The following ARHGAP44 variants were observed in gnomAD, a reference collection of about 807,000 sequenced individuals.
ARHGAP44 encodes rho GTPase-activating protein 44.
A neutral mutation model predicts 106.8 loss-of-function variants in ARHGAP44; 43 were observed. The observed-to-expected ratio is 0.40, with a 90% CI of 0.32 to 0.52. ARHGAP44 has a LOEUF of 0.52. ARHGAP44 is among the 20% of genes least tolerant of loss of function. The probability of loss-of-function intolerance (pLI) is 0.48; values close to 1 mark genes in which losing one functional copy is unlikely to be tolerated. For missense variants in ARHGAP44, 866 were observed against 1,050.5 expected, an observed-to-expected ratio of 0.82 and a Z score of 2.43; for synonymous variants, 439 against 410.3, an observed-to-expected ratio of 1.07 and a Z score of -0.85.
chr17:12,810,470 G>A (rs540278163), intron 1 of ARHGAP44, among the ~76,000 whole-genome samples: 5 of 152,264 alleles, frequency 3.3e-5, no homozygotes, highest in South Asian at 2.1e-4. Context: ...ATAATGGGGC[G>A]ATAGAAAGCT....
At chr17:12,955,608 G>A (rs1005242448) in intron 13 of ARHGAP44, among the ~76,000 whole-genome samples, 3 of 152,168 alleles carry the variant, frequency 2.0e-5, no homozygotes, top group Admixed American at 6.5e-5. Flanking sequence ...GAGTCAGAAG[G>A]AAAGAAGGAG....
chr17:12,837,682 C>T (rs117467736), intron 1 of ARHGAP44, among the ~76,000 whole-genome samples: 4 of 151,486 alleles, frequency 2.6e-5, no homozygotes, highest in East Asian at 3.9e-4. Context: ...AAGGCTTTGA[C>T]GAGGGTTAAC....
At chr17:12,838,932 C>A (rs2150825622) in intron 1 of ARHGAP44, among the ~76,000 whole-genome samples, 1 of 152,198 alleles carries the variant, frequency 6.6e-6, no homozygotes, top group South Asian at 2.1e-4. Flanking sequence ...GTCTGGAACT[C>A]CTGACCCCAG....
At chr17:12,860,350 T>A (rs984576672) in intron 1 of ARHGAP44, among the ~76,000 whole-genome samples, 1 of 152,242 alleles carries the variant, frequency 6.6e-6, no homozygotes, top group Non-Finnish European at 1.5e-5. Context: ...CTCTTGTCTC[T>A]TGTCAGATAA....
rs2040101726 is a variant in ARHGAP44, at chr17:12,990,426, T to C, written c.*255T>C. The C allele has an allele frequency of 9.3e-6, 4 of 430,646 alleles. No individual in the cohort carries two copies. In the East Asian group the frequency reaches 1.6e-4, roughly 18 times the overall value. The allele number at this position is 430,646 out of a possible 1,614,324, so 26.7% of individuals were successfully genotyped here. On this transcript the variant is annotated 3_prime_UTR_variant, in exon 21 of 21. Coordinates refer to ENST00000379672, the MANE Select transcript of ARHGAP44 (RefSeq NM_014859.6). ...CTTTGCCTTTTGACTTTGTGCCTCT[T>C]TTGATCCACTTTCAGCCTCCATGCC...
intron 1 of ARHGAP44, among the ~76,000 whole-genome samples, chr17:12,894,259 T>C (rs1427720123): frequency 6.7e-6 from 1 of 150,240 alleles, no homozygotes; most frequent in African/African-American, 2.4e-5. Flanking sequence ...TGTGTGTGTG[T>C]GCACGTGCGT....
rs2040122095 is a variant in ARHGAP44 at position 12,991,003 on chromosome 17, C to CCTGT, written c.*835_*838dup. ...TTCACTAGTCTGTGGGGTCCTGGAG[C>CCTGT]CTGTCTCTTCTTTCTGGAGGTTCAA... On this transcript the variant is annotated 3_prime_UTR_variant, in exon 21 of 21. Coordinates refer to ENST00000379672, the MANE Select transcript of ARHGAP44 (RefSeq NM_014859.6). The CCTGT allele has an allele frequency of 6.5e-6, 1 of 152,758 alleles. No individual in the cohort carries two copies. Among genetic ancestry groups the CCTGT allele is most frequent in the East Asian group, 1.9e-4 (1 of 5,180 alleles). The allele number at this position is 152,758 out of a possible 1,614,324, so 9.5% of individuals were successfully genotyped here. A position where few individuals can be genotyped will look rare whatever the true frequency, so the allele number is the denominator to read the frequency against.
intron 1 of ARHGAP44, among the ~76,000 whole-genome samples, chr17:12,855,156 G>A (rs1476481028): frequency 6.6e-6 from 1 of 152,026 alleles, no homozygotes; most frequent in East Asian, 1.9e-4. Context: ...TTCACCTCGA[G>A]CTTTATAAAC....
intron 7 of ARHGAP44, 130 bp downstream of exon 7, chr17:12,929,176 G>A (rs540233841): frequency 9.9e-6 from 8 of 806,096 alleles, no homozygotes; most frequent in African/African-American, 3.5e-5. Flanking sequence ...CCCCAAGCCC[G>A]CCGGCTAGCA....
At chr17:12,923,919 C>G (rs1343766375) in intron 6 of ARHGAP44, among the ~76,000 whole-genome samples, 1 of 152,198 alleles carries the variant, frequency 6.6e-6, no homozygotes, top group African/African-American at 2.4e-5. Context: ...TCTTCTGGAA[C>G]AGCTGGGTTC....
Position 12,866,058 on chromosome 17 carries a change from G to A in ARHGAP44, c.54-28882G>A, listed in dbSNP as rs78105677. ...ACTCAAGAGTGGGGTGGGAGTTGGG[G>A]GTGGAAGACACTGGAAAAGTAAACA... On this transcript the variant is annotated intron_variant, in intron 1 of 20. Coordinates refer to ENST00000379672, the MANE Select transcript of ARHGAP44 (RefSeq NM_014859.6). 3.7e-3 allele frequency among the ~76,000 whole-genome samples: 566 copies of A among 152,198 alleles called. 7 individuals carry two copies. The highest frequency in any genetic ancestry group is 0.013 in the African/African-American group (537 of 41,542).
chr17:12,841,633 C>CAAAA (rs564355904), intron 1 of ARHGAP44, among the ~76,000 whole-genome samples: 3 of 102,698 alleles, frequency 2.9e-5, no homozygotes, highest in African/African-American at 1.2e-4. Context: ...CACACACACA[C>CAAAA]ACACACAAAC....
intron 1 of ARHGAP44, among the ~76,000 whole-genome samples, chr17:12,806,867 C>G (rs2034290724): frequency 6.6e-6 from 1 of 152,024 alleles, no homozygotes; most frequent in South Asian, 2.1e-4. Flanking sequence ...ACCAGTGGTT[C>G]AGGGCTCTGT....
At chr17:12,892,107 T>C (rs567318041) in intron 1 of ARHGAP44, among the ~76,000 whole-genome samples, 3 of 152,218 alleles carry the variant, frequency 2.0e-5, no homozygotes, top group Non-Finnish European at 4.4e-5. Flanking sequence ...TGTTTTTAGA[T>C]AACTTTCTTT....
intron 1 of ARHGAP44, among the ~76,000 whole-genome samples, chr17:12,869,322 A>G (rs1440436398): frequency 1.3e-5 from 2 of 152,232 alleles, no homozygotes; most frequent in African/African-American, 2.4e-5. Flanking sequence ...AAATGTAGTC[A>G]TTTGGTTAAC....
chr17:12,848,204 G>T lies in ARHGAP44; in HGVS notation c.54-46736G>T, dbSNP rs117670808. Among the ~76,000 whole-genome samples, 642 of 152,236 alleles carry T rather than the reference G, an allele frequency of 4.2e-3. 2 individuals carry two copies. Among genetic ancestry groups the T allele is most frequent in the Non-Finnish European group, 7.4e-3 (501 of 68,012 alleles). On this transcript the variant is annotated intron_variant, in intron 1 of 20. Transcript: ENST00000379672. ...AATAGAATGGAAAATGTGAGAACTC[G>T]TGTTCAACTTACTTGATGAAGTATA... is the stretch of plus-strand genomic sequence containing the variant.
intron 18 of ARHGAP44, among the ~76,000 whole-genome samples, chr17:12,977,895 G>A (rs1483951337): frequency 5.3e-5 from 8 of 152,100 alleles, no homozygotes; most frequent in African/African-American, 1.4e-4. Flanking sequence ...AAAATTAGCT[G>A]GGTGTGGTGG....
intron 1 of ARHGAP44, among the ~76,000 whole-genome samples, chr17:12,833,801 G>A (rs1237538897): frequency 1.3e-5 from 2 of 152,124 alleles, no homozygotes; most frequent in Admixed American, 1.3e-4. Context: ...CGCCATAGGT[G>A]GATTCAGAGA....
At chr17:12,861,155 T>C (rs542771232) in intron 1 of ARHGAP44, among the ~76,000 whole-genome samples, 78 of 151,738 alleles carry the variant, frequency 5.1e-4, no homozygotes, top group Admixed American at 9.8e-4. Flanking sequence ...TGCACCTGGC[T>C]AATTTTTGTA....
Sources: allele counts gnomAD v4.1 joint callset (sites outside exome capture counted in the v4.1 genomes callset), GRCh38; gene constraint gnomAD v4.1.1; transcripts MANE v1.5; gene names NCBI Gene and HGNC (gene_info 2026-07-23, HGNC 2026-07-21).